The following GALNT10 variants were observed in gnomAD, a reference collection of about 807,000 sequenced individuals.
The protein encoded by GALNT10 is polypeptide N-acetylgalactosaminyltransferase 10.
A neutral mutation model predicts 75.0 loss-of-function variants in GALNT10; 41 were observed. The ratio of observed to expected loss-of-function variants is 0.55; its 90% CI spans 0.43 to 0.71. GALNT10 has a LOEUF of 0.71. GALNT10 is among the 30% of genes least tolerant of loss of function. The pLI is 0.00. For synonymous variants in GALNT10, 302 were observed against 313.0 expected, an observed-to-expected ratio of 0.96 and a Z score of 0.37; for missense variants, 727 against 818.5, an observed-to-expected ratio of 0.89 and a Z score of 1.36.
intron 1 of GALNT10, among the ~76,000 whole-genome samples, chr5:154,226,837 C>G (rs1753070639): frequency 6.6e-6 from 1 of 152,130 alleles, no homozygotes; most frequent in African/African-American, 2.4e-5. Context: ...CCTCTCCCTC[C>G]TGTCCCTCCT....
chr5:154,347,112 A>G (rs745763044), intron 4 of GALNT10: 2 of 509,450 alleles, frequency 3.9e-6, no homozygotes, highest in South Asian at 2.9e-5. Flanking sequence ...TTAACACCTA[A>G]TGTGTGCCAA....
chr5:154,306,736 C>CA (rs1754439456), intron 3 of GALNT10, among the ~76,000 whole-genome samples: 1 of 151,044 alleles, frequency 6.6e-6, no homozygotes. Context: ...AAAACAACAA[C>CA]AACAACAAAA....
At chr5:154,354,174 T>G (rs1755254215) in intron 4 of GALNT10, among the ~76,000 whole-genome samples, 1 of 152,228 alleles carries the variant, frequency 6.6e-6, no homozygotes, top group Admixed American at 6.5e-5. Flanking sequence ...AATGACTTAC[T>G]TTTATCTTAC....
At chr5:154,398,660 A>G (rs1756094939) in intron 7 of GALNT10, among the ~76,000 whole-genome samples, 1 of 152,128 alleles carries the variant, frequency 6.6e-6, no homozygotes, top group African/African-American at 2.4e-5. Flanking sequence ...AATCCCCACA[A>G]CCACATGGAG....
At chr5:154,349,733 A>C (rs1432555679) in intron 4 of GALNT10, 1 of 152,226 alleles carries the variant, frequency 6.6e-6, no homozygotes, top group African/African-American at 2.4e-5. Flanking sequence ...TCTGAAAAAA[A>C]AAAATTTTTT....
At chr5:154,314,606 G>T (rs1195421828) in intron 3 of GALNT10, among the ~76,000 whole-genome samples, 1 of 151,914 alleles carries the variant, frequency 6.6e-6, no homozygotes, top group African/African-American at 2.4e-5. Context: ...CCAAAGAGAT[G>T]CTGGCGTCTG....
Position 154,337,900 on chromosome 5 carries a change from CT to C in GALNT10, c.568+8165del, listed in dbSNP as rs557898295. The C allele has an allele frequency of 2.0e-3, 2,635 of 1,345,844 alleles. 7 individuals are homozygous for C. Among genetic ancestry groups the C allele is most frequent in the Middle Eastern group, 4.3e-3 (17 of 3,942 alleles). The allele number at this position is 1,345,844 out of a possible 1,614,324, so 83.4% of individuals were successfully genotyped here. On this transcript the variant is annotated intron_variant, in intron 4 of 11. Transcript: ENST00000297107. ...TCTTGCTTTGACAGGGCTTTCCTAA[CT>C]TTACATTTGTGGCCATTCACAGGAT...
At chr5:154,247,629 A>T (rs1279597577) in intron 1 of GALNT10, among the ~76,000 whole-genome samples, 2 of 152,210 alleles carry the variant, frequency 1.3e-5, no homozygotes, top group Non-Finnish European at 2.9e-5. Context: ...ATTGGTGTAT[A>T]TAAGAATGCT....
chr5:154,353,150 T>C (rs1444422635), intron 4 of GALNT10, among the ~76,000 whole-genome samples: 1 of 152,170 alleles, frequency 6.6e-6, no homozygotes, highest in African/African-American at 2.4e-5. Context: ...CTGAAAACTT[T>C]TGTTTGTTTT....
chr5:154,225,608 T>C (rs1228153794), intron 1 of GALNT10, among the ~76,000 whole-genome samples: 1 of 151,948 alleles, frequency 6.6e-6, no homozygotes, highest in Non-Finnish European at 1.5e-5. Context: ...CTCACTGTGT[T>C]GCCCAGGTTG....
intron 2 of GALNT10, among the ~76,000 whole-genome samples, chr5:154,295,415 G>A (rs1410146071): frequency 6.9e-6 from 1 of 145,844 alleles, no homozygotes. Context: ...GCTAAGAGGG[G>A]TGGTAATCTG....
At chr5:154,394,142 C>T (rs569842984) in intron 7 of GALNT10, among the ~76,000 whole-genome samples, 43 of 151,994 alleles carry the variant, frequency 2.8e-4, no homozygotes, top group Non-Finnish European at 5.0e-4. Flanking sequence ...TGTGAGGGGA[C>T]GAGAGGGAGG....
intron 1 of GALNT10, among the ~76,000 whole-genome samples, chr5:154,289,080 G>A (rs1581957598): frequency 6.6e-6 from 1 of 152,270 alleles, no homozygotes; most frequent in Non-Finnish European, 1.5e-5. Context: ...TTAGTTTCCT[G>A]TTCGCTCTCC....
intron 9 of GALNT10, among the ~76,000 whole-genome samples, chr5:154,410,697 C>T (rs1756380880): frequency 6.6e-6 from 1 of 152,214 alleles, no homozygotes; most frequent in South Asian, 2.1e-4. Context: ...CCCTTCTTAG[C>T]ACACCCAGAG....
intron 3 of GALNT10, among the ~76,000 whole-genome samples, chr5:154,327,186 A>G (rs971484270): frequency 6.6e-6 from 1 of 151,536 alleles, no homozygotes; most frequent in Non-Finnish European, 1.5e-5. Flanking sequence ...ACTGCACTCC[A>G]GCCTGGGTGA....
intron 1 of GALNT10, among the ~76,000 whole-genome samples, chr5:154,239,351 G>A (rs1300200062): frequency 2.0e-5 from 3 of 152,176 alleles, no homozygotes; most frequent in Non-Finnish European, 4.4e-5. Context: ...CCAACCCCCA[G>A]GCCACGGACT....
At chr5:154,274,529 A>C (rs1753920632) in intron 1 of GALNT10, among the ~76,000 whole-genome samples, 1 of 152,138 alleles carries the variant, frequency 6.6e-6, no homozygotes, top group African/African-American at 2.4e-5. Context: ...CCATGATAGG[A>C]GCTCAATAAA....
chr5:154,381,599 A>G (rs10067309), intron 6 of GALNT10, among the ~76,000 whole-genome samples: 33,291 of 152,224 alleles, frequency 0.22, 4,689 homozygotes, highest in African/African-American at 0.4. Flanking sequence ...TCTGGAGGTC[A>G]GAAGCCTGAA....
chr5:154,326,903 T>G (rs1754764431), intron 3 of GALNT10, among the ~76,000 whole-genome samples: 2 of 152,198 alleles, frequency 1.3e-5, no homozygotes, highest in South Asian at 4.1e-4. Flanking sequence ...GAATTATATC[T>G]CAATACAAAG....
Sources: gnomAD v4.1 joint callset for allele counts (sites outside exome capture counted in the v4.1 genomes callset) on GRCh38, gnomAD v4.1.1 for gene constraint, MANE v1.5 for transcripts, NCBI Gene and HGNC (gene_info 2026-07-23, HGNC 2026-07-21) for gene names.